Variants in CUL5 observed in about 807,000 individuals in gnomAD.
The protein encoded by CUL5 is cullin-5.
CUL5 carries 26 observed loss-of-function variants against 108.8 expected under a neutral mutation model. The observed-to-expected ratio is 0.24, with a 90% CI of 0.18 to 0.33. The LOEUF (loss-of-function observed/expected upper bound fraction) is 0.33. Ranked by LOEUF, CUL5 falls within the 10% of genes least tolerant of loss-of-function variation. The pLI is 1.00. For missense variants in CUL5, 524 were observed against 909.2 expected (o/e 0.58, Z 5.45); for synonymous variants, 334 against 298.0 (o/e 1.12, Z -1.25).
chr11:108,096,489 A>AT lies in CUL5; in HGVS notation c.1905+809dup, dbSNP rs557379589. 4.6e-4 allele frequency among the ~76,000 whole-genome samples: 68 copies of AT among 148,300 alleles called. 1 individual carries two copies. The highest frequency in any genetic ancestry group is 3.0e-3 in the Admixed American group (44 of 14,818). ...CAACATAGTGAGACCCATCTCAAAA[A>AT]TTTTTTTTTTTAAAAAAGAGAAAGA... On this transcript the variant is annotated intron_variant, in intron 16 of 18. Coordinates refer to ENST00000393094, the MANE Select transcript of CUL5 (RefSeq NM_003478.6).
chr11:108,044,256 C>A (rs1419469109), intron 2 of CUL5, among the ~76,000 whole-genome samples: 1 of 152,110 alleles, frequency 6.6e-6, no homozygotes, highest in African/African-American at 2.4e-5. Context: ...GTGGCTCATG[C>A]CTATATGCTG....
At chr11:108,030,919 C>T (rs1591283174) in intron 1 of CUL5, among the ~76,000 whole-genome samples, 1 of 152,168 alleles carries the variant, frequency 6.6e-6, no homozygotes, top group South Asian at 2.1e-4. Flanking sequence ...TGTGTAATCA[C>T]CACCTCAGAT....
At chr11:108,057,823 G>GT (rs1462373671) in intron 7 of CUL5, among the ~76,000 whole-genome samples, 2 of 152,154 alleles carry the variant, frequency 1.3e-5, no homozygotes, top group Non-Finnish European at 2.9e-5. Context: ...TTTGATAGTT[G>GT]TACTATAGTT....
intron 2 of CUL5, among the ~76,000 whole-genome samples, chr11:108,040,671 A>G (rs952359232): frequency 6.6e-6 from 1 of 151,094 alleles, no homozygotes; most frequent in East Asian, 1.9e-4. Context: ...TGTAGTCCCA[A>G]CTACTCAGGA....
intron 10 of CUL5, among the ~76,000 whole-genome samples, chr11:108,076,876 G>A (rs761755622): frequency 6.6e-6 from 1 of 152,252 alleles, no homozygotes; most frequent in Admixed American, 6.5e-5. Context: ...TGTTCACTGC[G>A]ATAGGGAAGA....
At chr11:108,045,541 T>C (rs183936787) in intron 2 of CUL5, among the ~76,000 whole-genome samples, 2 of 152,256 alleles carry the variant, frequency 1.3e-5, no homozygotes, top group East Asian at 3.9e-4. Context: ...GCTATGGTTG[T>C]GGCACTGCAC....
intron 1 of CUL5, among the ~76,000 whole-genome samples, chr11:108,016,676 C>T (rs1862200295): frequency 6.6e-6 from 1 of 152,132 alleles, no homozygotes; most frequent in Admixed American, 6.6e-5. Flanking sequence ...GTAAGGAAAG[C>T]AGGGCTGGGT....
At chr11:108,029,019 T>C (rs777097073) in intron 1 of CUL5, among the ~76,000 whole-genome samples, 1 of 152,208 alleles carries the variant, frequency 6.6e-6, no homozygotes, top group Non-Finnish European at 1.5e-5. Flanking sequence ...TACTTTGCTC[T>C]ACCTTGAATA....
intron 13 of CUL5, 26 bp from the exon 14 acceptor site, chr11:108,094,365 C>T: frequency 6.5e-7 from 1 of 1,531,020 alleles, no homozygotes; most frequent in East Asian, 2.4e-5. Flanking sequence ...TTTATTACCT[C>T]TTCCTTCTTT....
chr11:108,062,829 C>G (rs1294383006), intron 7 of CUL5, among the ~76,000 whole-genome samples: 2 of 151,888 alleles, frequency 1.3e-5, no homozygotes, highest in African/African-American at 4.8e-5. Context: ...TTTATTCATT[C>G]TGTTTTTGTT....
chr11:108,034,864 CAT>C (rs1862691699), intron 2 of CUL5, among the ~76,000 whole-genome samples: 1 of 152,088 alleles, frequency 6.6e-6, no homozygotes, highest in Admixed American at 6.6e-5. Flanking sequence ...ATTAGAAAGA[CAT>C]ATTATATTTA....
chr11:108,046,824 T>C (rs1049569186), intron 3 of CUL5, among the ~76,000 whole-genome samples: 20 of 152,230 alleles, frequency 1.3e-4, no homozygotes, highest in South Asian at 4.1e-4. Context: ...ATTGCTGTTA[T>C]GTATAAATCA....
intron 1 of CUL5, among the ~76,000 whole-genome samples, chr11:108,025,633 G>T (rs1207172584): frequency 6.6e-6 from 1 of 152,130 alleles, no homozygotes; most frequent in Non-Finnish European, 1.5e-5. Flanking sequence ...TTCTGGCCCT[G>T]TGTGCACTCT....
In CUL5 at chr11:108,105,723, C is replaced by G. The variant is rs3781870; in HGVS notation, c.*1339C>G. 2 of 151,942 alleles carry G rather than the reference C, an allele frequency of 1.3e-5. No individual in the cohort carries two copies. Among genetic ancestry groups the G allele is most frequent in the East Asian group, 1.9e-4 (1 of 5,188 alleles). 9.4% of individuals were successfully genotyped at this position (151,942 alleles called of 1,614,324 possible). On this transcript the variant is annotated 3_prime_UTR_variant, in exon 19 of 19. Coordinates refer to ENST00000393094, the MANE Select transcript of CUL5 (RefSeq NM_003478.6). Reference sequence around the variant, plus strand: ...GATTCCCCTTGAGGAAAGAATGGCTCAACGTGGATTTTTATTCATTGTGGT... The same window carrying G: ...GATTCCCCTTGAGGAAAGAATGGCTGAACGTGGATTTTTATTCATTGTGGT...
At chr11:108,041,159 TTC>T (rs1394976661) in intron 2 of CUL5, among the ~76,000 whole-genome samples, 1 of 152,200 alleles carries the variant, frequency 6.6e-6, no homozygotes, top group Non-Finnish European at 1.5e-5. Flanking sequence ...CAAGCTTCCT[TTC>T]TTGTCTCCTC....
At chr11:108,058,029 T>G (rs1015886860) in intron 7 of CUL5, among the ~76,000 whole-genome samples, 5 of 151,724 alleles carry the variant, frequency 3.3e-5, no homozygotes, top group Non-Finnish European at 7.4e-5. Flanking sequence ...ACCTACATGG[T>G]GAAACCCTGT....
chr11:108,009,649 G>A (rs1862012110), intron 1 of CUL5, among the ~76,000 whole-genome samples: 3 of 152,230 alleles, frequency 2.0e-5, no homozygotes, highest in Non-Finnish European at 2.9e-5. Flanking sequence ...CTCTGGCCGG[G>A]AGCGGGAGAT....
At chr11:108,041,737 C>A (rs1862922430) in intron 2 of CUL5, among the ~76,000 whole-genome samples, 1 of 152,024 alleles carries the variant, frequency 6.6e-6, no homozygotes. Context: ...ATTACAGGCA[C>A]CTGCCATCAA....
chr11:108,023,043 G>A (rs1270738328), intron 1 of CUL5, among the ~76,000 whole-genome samples: 1 of 152,224 alleles, frequency 6.6e-6, no homozygotes, highest in Non-Finnish European at 1.5e-5. Context: ...GAGGTCAGGA[G>A]TTCGAGACCA....
Sources: gnomAD v4.1 joint callset for allele counts (sites outside exome capture counted in the v4.1 genomes callset) on GRCh38, gnomAD v4.1.1 for gene constraint, MANE v1.5 for transcripts, NCBI Gene and HGNC (gene_info 2026-07-23, HGNC 2026-07-21) for gene names.